CCDC170: variants seen among roughly 807,000 people sequenced by gnomAD.
CCDC170 encodes coiled-coil domain containing 170, also known as coiled-coil domain-containing protein 170.
CCDC170 carries 69 observed loss-of-function variants against 72.6 expected under a neutral mutation model. That is an observed-to-expected ratio of 0.95 (90% CI 0.78 to 1.16). The LOEUF is 1.16. Among genes scored for constraint, CCDC170 ranks in the 50% most tolerant of loss-of-function variants. The pLI, the probability that CCDC170 is intolerant of heterozygous loss-of-function variation, is 0.00. For synonymous variants in CCDC170, 300 were observed against 303.9 expected, an observed-to-expected ratio of 0.99 and a Z score of 0.13; for missense variants, 852 against 832.5, an observed-to-expected ratio of 1.02 and a Z score of -0.29.
intron 9 of CCDC170, among the ~76,000 whole-genome samples, chr6:151,608,882 C>T (rs561257583): frequency 2.0e-5 from 3 of 152,300 alleles, no homozygotes; most frequent in Admixed American, 6.5e-5. Flanking sequence ...CCAGGCAGCT[C>T]ATTATACTGC....
chr6:151,504,687 G>A (rs1782041485), intron 1 of CCDC170, among the ~76,000 whole-genome samples: 1 of 151,914 alleles, frequency 6.6e-6, no homozygotes, highest in African/African-American at 2.4e-5. Context: ...GATGGTCAGG[G>A]GGTAATGCTG....
chr6:151,523,879 A>G (rs1350259968), intron 1 of CCDC170, among the ~76,000 whole-genome samples: 1 of 152,180 alleles, frequency 6.6e-6, no homozygotes, highest in Non-Finnish European at 1.5e-5. Flanking sequence ...ACCACAATGT[A>G]TTGGTCTCTT....
chr6:151,531,984 G>A (rs975048701), intron 1 of CCDC170, among the ~76,000 whole-genome samples: 1 of 152,152 alleles, frequency 6.6e-6, no homozygotes, highest in Non-Finnish European at 1.5e-5. Context: ...ATTTGAGTGG[G>A]AACATTAGAT....
At chr6:151,556,401 G>A (rs1782975543) in intron 5 of CCDC170, among the ~76,000 whole-genome samples, 1 of 152,250 alleles carries the variant, frequency 6.6e-6, no homozygotes, top group Non-Finnish European at 1.5e-5. Context: ...TTTGCAGTGA[G>A]CTGAGATTGA....
intron 6 of CCDC170, among the ~76,000 whole-genome samples, chr6:151,580,054 C>T (rs1316870047): frequency 6.6e-6 from 1 of 152,144 alleles, no homozygotes; most frequent in Non-Finnish European, 1.5e-5. Context: ...CAGTATCACT[C>T]CCTTAGTCTA....
Position 151,619,550 on chromosome 6 carries a change from T to C in CCDC170, c.*1403T>C, listed in dbSNP as rs1777026707. 2 of 152,172 alleles carry C rather than the reference T, an allele frequency of 1.3e-5. No homozygotes were observed. The highest frequency in any genetic ancestry group is 1.3e-4 in the Admixed American group (2 of 15,276). The allele number at this position is 152,172 out of a possible 1,614,324, so 9.4% of individuals were successfully genotyped here. A position where few individuals can be genotyped will look rare whatever the true frequency, so the allele number is the denominator to read the frequency against. On this transcript the variant is annotated 3_prime_UTR_variant, in exon 11 of 11. Transcript: ENST00000239374. ...TAAAGGAAAGGGAAAGAAATAGATC[T>C]GGTGCACCCGAACATTAGGAGAAAA...
chr6:151,529,167 C>G (rs1384743082), intron 1 of CCDC170, among the ~76,000 whole-genome samples: 1 of 152,072 alleles, frequency 6.6e-6, no homozygotes, highest in Non-Finnish European at 1.5e-5. Flanking sequence ...TTATGAAAAA[C>G]AGTAACAAAC....
intron 1 of CCDC170, among the ~76,000 whole-genome samples, chr6:151,497,332 G>A (rs2115014672): frequency 6.6e-6 from 1 of 152,140 alleles, no homozygotes. Flanking sequence ...TGTGAGCCTT[G>A]ATCGCACTAC....
intron 1 of CCDC170, among the ~76,000 whole-genome samples, chr6:151,506,490 T>C (rs1445364017): frequency 6.6e-6 from 1 of 152,240 alleles, no homozygotes; most frequent in Non-Finnish European, 1.5e-5. Context: ...TTCAGATTTA[T>C]TCAAGCTTAC....
At chr6:151,549,725 C>A (rs1782849025) in intron 5 of CCDC170, among the ~76,000 whole-genome samples, 1 of 152,190 alleles carries the variant, frequency 6.6e-6, no homozygotes, top group East Asian at 1.9e-4. Context: ...TTGAGCCCTG[C>A]CCCAGTGATT....
rs140729411 is a variant in CCDC170 at position 151,529,536 on chromosome 6, A to T, written c.58-6782A>T. On this transcript the variant is annotated intron_variant, in intron 1 of 10. Transcript: ENST00000239374. ...GCTGGGCATTGTGGTGCATGCCTGT[A>T]GTCTCAGCTACTCGGGAGGCTGAGG... Among the ~76,000 whole-genome samples the T allele has an allele frequency of 5.7e-3, 864 of 152,264 alleles. 34 individuals carry two copies. Among genetic ancestry groups the T allele is most frequent in the Admixed American group, 0.049 (754 of 15,288 alleles).
intron 1 of CCDC170, among the ~76,000 whole-genome samples, chr6:151,506,033 C>G (rs1194620612): frequency 1.3e-5 from 2 of 152,096 alleles, no homozygotes; most frequent in Non-Finnish European, 2.9e-5. Flanking sequence ...CACAGGAGTT[C>G]AAGGCTGCAG....
At chr6:151,520,432 A>G (rs915975525) in intron 1 of CCDC170, among the ~76,000 whole-genome samples, 1 of 152,242 alleles carries the variant, frequency 6.6e-6, no homozygotes, top group African/African-American at 2.4e-5. Context: ...CTTGTTTGTA[A>G]CCTTTAAGCT....
At chr6:151,597,118 G>T (rs1021096810) in intron 9 of CCDC170, among the ~76,000 whole-genome samples, 1 of 151,648 alleles carries the variant, frequency 6.6e-6, no homozygotes. Context: ...GAGCCACTGC[G>T]CCTGGCCTTA....
At chr6:151,611,272 T>C (rs1776865828) in intron 9 of CCDC170, among the ~76,000 whole-genome samples, 2 of 28,358 alleles carry the variant, frequency 7.1e-5, no homozygotes, top group South Asian at 2.0e-3. Context: ...CAGAACCCCA[T>C]CTGAAAAAAA....
At chr6:151,589,715 A>T (rs1776505701) in intron 7 of CCDC170, among the ~76,000 whole-genome samples, 1 of 152,162 alleles carries the variant, frequency 6.6e-6, no homozygotes, top group Admixed American at 6.5e-5. Flanking sequence ...TCTTAATGAA[A>T]GGTATGCCTA....
intron 5 of CCDC170, 100 bp from the exon 6 acceptor site, chr6:151,573,074 T>C (rs1178759593): frequency 8.6e-6 from 9 of 1,046,560 alleles, no homozygotes; most frequent in Admixed American, 2.3e-5. Context: ...CAACCCCTTG[T>C]AGTCATTAGC....
intron 4 of CCDC170, among the ~76,000 whole-genome samples, chr6:151,546,365 C>CAGA (rs1782772031): frequency 2.0e-5 from 3 of 152,196 alleles, no homozygotes; most frequent in Admixed American, 2.0e-4. Flanking sequence ...AAAGGGAATT[C>CAGA]AGAAGCTGCT....
intron 5 of CCDC170, among the ~76,000 whole-genome samples, chr6:151,568,278 G>T (rs1003355702): frequency 6.6e-6 from 1 of 152,130 alleles, no homozygotes; most frequent in Admixed American, 6.5e-5. Context: ...GAATAGTGCT[G>T]TCCAAGGAGG....
Sources: allele counts gnomAD v4.1 joint callset (sites outside exome capture counted in the v4.1 genomes callset), GRCh38; gene constraint gnomAD v4.1.1; transcripts MANE v1.5; gene names NCBI Gene and HGNC (gene_info 2026-07-23, HGNC 2026-07-21).